DCC: variants seen among roughly 807,000 people sequenced by gnomAD.
DCC encodes DCC netrin 1 receptor.
DCC carries 58 observed loss-of-function variants against 172.5 expected under a neutral mutation model. The ratio of observed to expected loss-of-function variants is 0.34; its 90% CI spans 0.27 to 0.42. The LOEUF (loss-of-function observed/expected upper bound fraction) is 0.42. Among genes scored for constraint, DCC ranks in the 10% least tolerant of loss-of-function variants. The pLI, the probability that DCC is intolerant of heterozygous loss-of-function variation, is 1.00. For missense variants in DCC, 1,740 were observed against 1,791.0 expected, an observed-to-expected ratio of 0.97 and a Z score of 0.51; for synonymous variants, 709 against 644.5, an observed-to-expected ratio of 1.10 and a Z score of -1.52.
At position 52,832,057 on chromosome 18, in the gene DCC, T is replaced by G. The variant is rs545130444; in HGVS notation, c.413-73987T>G. The stretch of plus-strand genomic sequence containing the variant: ...GATCTGCAATGGAAATAGTTTAAAC[T>G]TTTTTCAGACTGGTGGGTTATTTAG... On this transcript the variant is annotated intron_variant, in intron 2 of 28. Transcript: ENST00000442544. 1.4e-3 allele frequency among the ~76,000 whole-genome samples: 209 copies of G among 152,324 alleles called. 1 individual carries two copies. Among genetic ancestry groups the G allele is most frequent in the African/African-American group, 5.0e-3 (206 of 41,538 alleles).
At chr18:52,488,285 G>A (rs893994067) in intron 1 of DCC, among the ~76,000 whole-genome samples, 4 of 152,002 alleles carry the variant, frequency 2.6e-5, no homozygotes, top group East Asian at 1.9e-4. Flanking sequence ...AATTTTAACT[G>A]GAAATTGTTG....
At chr18:52,480,050 C>T (rs954954407) in intron 1 of DCC, among the ~76,000 whole-genome samples, 1 of 152,250 alleles carries the variant, frequency 6.6e-6, no homozygotes, top group East Asian at 1.9e-4. Context: ...TTATTATTAA[C>T]CCCTAAGACT....
chr18:53,184,137 T>C (rs1332742700), intron 9 of DCC, among the ~76,000 whole-genome samples: 2 of 151,840 alleles, frequency 1.3e-5, no homozygotes, highest in East Asian at 3.9e-4. Context: ...ATATAATACC[T>C]CATTTATAGT....
chr18:53,508,483 G>A (rs926677513), intron 27 of DCC, among the ~76,000 whole-genome samples: 15 of 152,178 alleles, frequency 9.9e-5, no homozygotes, highest in African/African-American at 2.9e-4. Context: ...ATGAGCCACC[G>A]CGCCTGGCTA....
At chr18:53,188,300 C>T (rs895295277) in intron 9 of DCC, among the ~76,000 whole-genome samples, 3 of 152,126 alleles carry the variant, frequency 2.0e-5, no homozygotes, top group Admixed American at 2.0e-4. Flanking sequence ...TTATCCTAAA[C>T]AATGGGCTTA....
At chr18:52,596,191 A>G (rs550928134) in intron 1 of DCC, among the ~76,000 whole-genome samples, 6 of 152,296 alleles carry the variant, frequency 3.9e-5, no homozygotes, top group South Asian at 2.1e-4. Context: ...ACCTCCTTTC[A>G]GGGCAGCCTT....
chr18:53,053,011 T>C lies in DCC; in HGVS notation c.986-10294T>C, dbSNP rs144501634. ...TACAAAAATTAGTAGAGCGTGATGG[T>C]GTGCACCTGTAATCCCAGCTACTCG... On this transcript the variant is annotated intron_variant, in intron 5 of 28. Transcript: ENST00000442544. 3.7e-3 allele frequency among the ~76,000 whole-genome samples: 563 copies of C among 152,120 alleles called. 1 individual carries two copies. The highest frequency in any genetic ancestry group is 0.013 in the African/African-American group (538 of 41,516).
At chr18:52,623,960 C>G (rs1490519724) in intron 1 of DCC, among the ~76,000 whole-genome samples, 2 of 152,090 alleles carry the variant, frequency 1.3e-5, no homozygotes, top group African/African-American at 4.8e-5. Context: ...GAAAGCCAAA[C>G]AAGGTTTCTT....
At chr18:53,401,373 A>G (rs984684714) in intron 18 of DCC, among the ~76,000 whole-genome samples, 5 of 152,070 alleles carry the variant, frequency 3.3e-5, no homozygotes, top group African/African-American at 1.2e-4. Context: ...TACATTGTCA[A>G]TGATTAAAAT....
intron 2 of DCC, among the ~76,000 whole-genome samples, chr18:52,754,552 A>T (rs1395632249): frequency 1.3e-5 from 2 of 152,230 alleles, no homozygotes; most frequent in African/African-American, 4.8e-5. Flanking sequence ...GAGGACCCTC[A>T]TCAGAAACCA....
intron 2 of DCC, among the ~76,000 whole-genome samples, chr18:52,871,847 C>T (rs1472759682): frequency 3.9e-5 from 6 of 152,152 alleles, no homozygotes; most frequent in African/African-American, 1.4e-4. Context: ...AAGATAATCA[C>T]TCAAATTCTT....
At chr18:52,939,656 G>C (rs977242980) in intron 5 of DCC, among the ~76,000 whole-genome samples, 6 of 152,068 alleles carry the variant, frequency 3.9e-5, no homozygotes, top group African/African-American at 1.4e-4. Context: ...ATATATTATG[G>C]AGATACTATT....
At chr18:53,088,333 G>T (rs1361965963) in intron 7 of DCC, among the ~76,000 whole-genome samples, 1 of 152,154 alleles carries the variant, frequency 6.6e-6, no homozygotes, top group African/African-American at 2.4e-5. Flanking sequence ...CTTGTAAGTT[G>T]TATTCCTAGG....
chr18:53,395,309 T>C (rs966656355), intron 17 of DCC, among the ~76,000 whole-genome samples: 2 of 152,188 alleles, frequency 1.3e-5, no homozygotes, highest in Admixed American at 6.5e-5. Context: ...ATTCATGGTA[T>C]TTATAGAATG....
At chr18:53,104,361 G>C (rs1310465690) in intron 7 of DCC, among the ~76,000 whole-genome samples, 1 of 151,972 alleles carries the variant, frequency 6.6e-6, no homozygotes, top group Non-Finnish European at 1.5e-5. Context: ...TCTTGAGAGT[G>C]AATAAGTCTC....
chr18:52,403,395 A>C (rs1986514295), intron 1 of DCC, among the ~76,000 whole-genome samples: 1 of 151,990 alleles, frequency 6.6e-6, no homozygotes, highest in Non-Finnish European at 1.5e-5. Flanking sequence ...TGCCCCTGTC[A>C]TTCAGAAAGA....
At chr18:52,718,627 A>T (rs1266056019) in intron 1 of DCC, among the ~76,000 whole-genome samples, 1 of 152,154 alleles carries the variant, frequency 6.6e-6, no homozygotes, top group African/African-American at 2.4e-5. Flanking sequence ...GCTTCCTGTC[A>T]TCTACTGGAG....
intron 15 of DCC, among the ~76,000 whole-genome samples, chr18:53,363,413 T>C (rs1243853717): frequency 6.6e-6 from 1 of 152,220 alleles, no homozygotes; most frequent in Non-Finnish European, 1.5e-5. Context: ...ATGAAAGTTC[T>C]AACCAGCTTT....
chr18:52,800,386 A>G (rs1871087452), intron 2 of DCC, among the ~76,000 whole-genome samples: 2 of 152,256 alleles, frequency 1.3e-5, no homozygotes, highest in Non-Finnish European at 2.9e-5. Flanking sequence ...TATTTTTACA[A>G]CAAGAAATAC....
Sources: allele counts gnomAD v4.1 joint callset (sites outside exome capture counted in the v4.1 genomes callset), GRCh38; gene constraint gnomAD v4.1.1; transcripts MANE v1.5; gene names NCBI Gene and HGNC (gene_info 2026-07-23, HGNC 2026-07-21).